Variants in EXOC3L4 observed in about 807,000 individuals in gnomAD.
The protein encoded by EXOC3L4 is exocyst complex component 3 like 4.
Under a neutral mutation model 69.7 loss-of-function variants are expected in EXOC3L4, and 62 were observed. The observed-to-expected ratio is 0.89, with a 90% CI of 0.72 to 1.10. The LOEUF (loss-of-function observed/expected upper bound fraction) is 1.10, where lower values mean the gene tolerates loss of function less well. Ranked by LOEUF, EXOC3L4 falls within the 50% of genes least tolerant of loss-of-function variation. The pLI, the probability that EXOC3L4 is intolerant of heterozygous loss-of-function variation, is 0.00. For synonymous variants in EXOC3L4, 502 were observed against 464.2 expected, an observed-to-expected ratio of 1.08 and a Z score of -1.05; for missense variants, 1,087 against 1,034.8, an observed-to-expected ratio of 1.05 and a Z score of -0.69.
chr14:103,107,889 C>A (rs1375477242), intron 10 of EXOC3L4, 106 bp downstream of exon 10: 10 of 1,414,964 alleles, frequency 7.1e-6, no homozygotes, highest in African/African-American at 1.4e-5. Context: ...TGGTTCTCCC[C>A]ACTCTGGATC....
rs867924795 is a variant in EXOC3L4 at position 103,100,575 on chromosome 14, C to A, written c.356C>A (p.Ser119Tyr). 6.2e-7 allele frequency: 1 copy of A among 1,608,828 alleles called. No individual in the cohort carries two copies. ...ATGAATGGTGTCAGCCAGCAGGCAT[C>A]CACTGGGGCAGCGTCTGAGGAACTG... ...GVMNGVSQQA[S>Y]TGAASEELKP... Residue 119 changes from serine (S) to tyrosine (Y), a missense_variant, in exon 2 of 12, where the codon TCC becomes TAC. Coordinates refer to ENST00000688303, the MANE Select transcript of EXOC3L4 (RefSeq NM_001077594.2).
Position 103,100,401 on chromosome 14 carries a change from G to C in EXOC3L4, c.182G>C (p.Ser61Thr). The C allele has an allele frequency of 1.2e-6, 2 of 1,611,592 alleles. No homozygotes were observed. The highest frequency in any genetic ancestry group is 1.3e-5 in the African/African-American group (1 of 75,044). ...GSLRQAFSRA[S>T]QRALTQVSKE... is the part of the protein sequence containing the mutation. ...CTGAGGCAGGCCTTCTCCCGGGCCA[G>C]CCAGCGGGCTTTGACCCAGGTCTCC... Residue 61 changes from serine (S) to threonine (T), a missense_variant, in exon 2 of 12, where the codon AGC becomes ACC. Coordinates refer to ENST00000688303, the MANE Select transcript of EXOC3L4 (RefSeq NM_001077594.2).
At chr14:103,100,048 G>C (rs1007769571) in intron 1 of EXOC3L4, 156 bp from the exon 2 acceptor site, 1 of 789,960 alleles carries the variant, frequency 1.3e-6, no homozygotes, top group African/African-American at 1.7e-5. Context: ...GAGGGCTCTC[G>C]CCAAGAGAGT....
chr14:103,110,338 A>C lies in EXOC3L4; in HGVS notation c.*115A>C. The C allele has an allele frequency of 2.3e-6, 3 of 1,288,082 alleles. No individual in the cohort carries two copies. The highest frequency in any genetic ancestry group is 2.2e-6 in the Non-Finnish European group (2 of 922,826). The allele number at this position is 1,288,082 out of a possible 1,614,324, so 79.8% of individuals were successfully genotyped here. Reference sequence around the variant, plus strand: ...TGCCCCCAACTCTGACACTGCAGTTAGGGAATTTTTGTCGTCAGCAGCCAA... The same window carrying C: ...TGCCCCCAACTCTGACACTGCAGTTCGGGAATTTTTGTCGTCAGCAGCCAA... On this transcript the variant is annotated 3_prime_UTR_variant, in exon 12 of 12. Transcript: ENST00000688303.
chr14:103,109,002 T>C (rs1890745233), intron 11 of EXOC3L4, among the ~76,000 whole-genome samples: 1 of 151,302 alleles, frequency 6.6e-6, no homozygotes, highest in African/African-American at 2.4e-5. Flanking sequence ...CACCCTGCCA[T>C]GGGGTGGGGA....
At chr14:103,103,354 C>CAAAAAAAAAAAAAAAAAAAAAAAAAAAAA (rs3070496) in intron 3 of EXOC3L4, among the ~76,000 whole-genome samples, 1 of 94,910 alleles carries the variant, frequency 1.1e-5, no homozygotes, top group African/African-American at 4.1e-5. Context: ...GACTCTGTCT[C>CAAAAAAAAAAAAAAAAAAAAAAAAAAAAA]AAAAAAAAAA....
intron 3 of EXOC3L4, 193 bp from the exon 4 acceptor site, chr14:103,103,748 A>C: frequency 5.6e-6 from 3 of 533,996 alleles, no homozygotes; most frequent in Non-Finnish European, 9.9e-6. Context: ...CCCAGCTGTC[A>C]GAGGCTTCCC....
intron 1 of EXOC3L4, 192 bp from the exon 2 acceptor site, chr14:103,100,012 C>G (rs1053181900): frequency 1.7e-6 from 1 of 585,230 alleles, no homozygotes; most frequent in Non-Finnish European, 2.9e-6. Context: ...TCTATATCTC[C>G]GTGCCCAGCT....
In EXOC3L4 at chr14:103,105,011, GC is replaced by G; in HGVS notation, c.1406del (p.Ala469GlyfsTer5). The stretch of plus-strand genomic sequence containing the variant: ...CCCCAGGTTTGAAAAGGCTTTTCTG[GC>G]GTCGGAGGCGGTGAGCGAGCCGCAC... Reference protein sequence around the residue: ...FVPRFEKAFLASEAVSEPHLG... With the variant: ...FVPRFEKAFLXSEAVSEPHLG... On this transcript the variant is annotated frameshift_variant, in exon 7 of 12. Coordinates refer to ENST00000688303, the MANE Select transcript of EXOC3L4 (RefSeq NM_001077594.2). LOFTEE classifies it high-confidence loss of function. 1 of 1,612,600 alleles carries G rather than the reference GC, an allele frequency of 6.2e-7. No homozygotes were observed. Among genetic ancestry groups the G allele is most frequent in the East Asian group, 2.2e-5 (1 of 44,816 alleles).
At chr14:103,104,486 A>G in intron 5 of EXOC3L4, 97 bp downstream of exon 5, 1 of 1,395,770 alleles carries the variant, frequency 7.2e-7, no homozygotes, top group Non-Finnish European at 9.3e-7. Flanking sequence ...GTCCCAACCA[A>G]CCCTTCCGTT....
At position 103,110,064 on chromosome 14, in the gene EXOC3L4, C is replaced by T. The variant is rs1257521450; in HGVS notation, c.2010C>T (p.Arg670=). Residue 670 remains arginine (R), a synonymous_variant, in exon 12 of 12, where the codon CGC becomes CGT. Coordinates refer to ENST00000688303, the MANE Select transcript of EXOC3L4 (RefSeq NM_001077594.2). ...ACATACTGGCCATTCTGGCGCTGCGCCGACTGGGCCGCCAGCGGAACCAGC... is the reference window on the plus strand; with the variant it reads ...ACATACTGGCCATTCTGGCGCTGCGTCGACTGGGCCGCCAGCGGAACCAGC... ...RDHILAILAL[R]RLGRQRNQHL... 2.5e-6 allele frequency: 4 copies of T among 1,600,756 alleles called. No homozygotes were observed. The East Asian group carries it at 6.7e-5, about 27-fold the overall frequency.
Position 103,104,363 on chromosome 14 carries a change from G to A in EXOC3L4, c.1258G>A (p.Ala420Thr). ...VPEVLQGLYQAPLSMDVHMLV... is the reference protein window; with the variant it reads ...VPEVLQGLYQTPLSMDVHMLV... ...CGAGGTGCTGCAGGGCCTCTACCAGGCGCCGCTGTCCATGGACGTCCATAT... is the reference window on the plus strand; with the variant it reads ...CGAGGTGCTGCAGGGCCTCTACCAGACGCCGCTGTCCATGGACGTCCATAT... Residue 420 changes from alanine (A) to threonine (T), a missense_variant, in exon 5 of 12, where the codon GCG (alanine) becomes ACG (threonine). By Grantham distance (58) the Ala-to-Thr change is moderately conservative. Transcript: ENST00000688303. 6.3e-7 allele frequency: 1 copy of A among 1,586,758 alleles called. No homozygotes were observed. The highest frequency in any genetic ancestry group is 8.6e-7 in the Non-Finnish European group (1 of 1,167,880).
rs917854253 is a variant in EXOC3L4 at position 103,097,811 on chromosome 14, G to A, written c.-16-2393G>A. The stretch of plus-strand genomic sequence containing the variant: ...ATGGCCGGAGGGGAAGCTGGAGGCT[G>A]GGCGTGCAGCCGGGAGGACAGAGAA... On this transcript the variant is annotated intron_variant, in intron 1 of 11. Transcript: ENST00000688303. The surrounding 1 kb of genome is among the most constrained non-coding windows in gnomAD (Gnocchi z 4.9). 3.3e-5 allele frequency among the ~76,000 whole-genome samples: 5 copies of A among 152,192 alleles called. No individual in the cohort carries two copies. The highest frequency in any genetic ancestry group is 4.8e-5 in the African/African-American group (2 of 41,444).
chr14:103,104,353 C>T lies in EXOC3L4; in HGVS notation c.1248C>T (p.Gly416=). The change falls in exon 5 of 12, where the codon GGC becomes GGT. Residue 416 remains glycine (G), a synonymous_variant. Transcript: ENST00000688303. The stretch of plus-strand genomic sequence containing the variant: ...CCGAGGTCCCCGAGGTGCTGCAGGG[C>T]CTCTACCAGGCGCCGCTGTCCATGG... ...AAAEVPEVLQ[G]LYQAPLSMDV... The T allele has an allele frequency of 6.3e-7, 1 of 1,589,360 alleles. No homozygotes were observed. The highest frequency in any genetic ancestry group is 8.6e-7 in the Non-Finnish European group (1 of 1,169,336).
intron 1 of EXOC3L4, among the ~76,000 whole-genome samples, chr14:103,095,071 T>C (rs1889830455): frequency 6.6e-6 from 1 of 152,148 alleles, no homozygotes; most frequent in South Asian, 2.1e-4. Flanking sequence ...AAGATGGGCA[T>C]GCAGGCACAG....
At position 103,102,726 on chromosome 14, in the gene EXOC3L4, G is replaced by A. The variant is rs934288256; in HGVS notation, c.1003G>A (p.Glu335Lys). Residue 335 changes from glutamate to lysine, a missense_variant, in exon 3 of 12, where the codon GAG becomes AAG. Physicochemically the swap from Glu to Lys is moderately conservative, Grantham distance 56. Transcript: ENST00000688303. The stretch of plus-strand genomic sequence containing the variant: ...GCTCGCGCGCGACGCCCGCGGCTGC[G>A]AGCAGCTCTATATCCTGCTGGACTG... ...QELARDARGC[E>K]QLYILLDWAA... 1 of 1,452,382 alleles carries A rather than the reference G, an allele frequency of 6.9e-7. No individual in the cohort carries two copies. 90.0% of individuals were successfully genotyped at this position (1,452,382 alleles called of 1,614,324 possible).
chr14:103,104,908 C>T (rs1402938071), intron 6 of EXOC3L4, 70 bp downstream of exon 6: 7 of 1,560,150 alleles, frequency 4.5e-6, no homozygotes, highest in Middle Eastern at 1.7e-4. Flanking sequence ...GAGGAGTCTG[C>T]GTAGGGACCT....
At chr14:103,104,879 G>A (rs1484076311) in intron 6 of EXOC3L4, 41 bp downstream of exon 6, 12 of 1,532,190 alleles carry the variant, frequency 7.8e-6, no homozygotes, top group African/African-American at 1.4e-5. Flanking sequence ...CTGGCCGGGT[G>A]CGCTCTGCAG....
chr14:103,106,920 C>T lies in EXOC3L4; in HGVS notation c.1581+21C>T, dbSNP rs753685694. The T allele has an allele frequency of 2.6e-5, 39 of 1,520,482 alleles. 1 individual carries two copies. The highest frequency in any genetic ancestry group is 2.5e-5 in the Non-Finnish European group (28 of 1,124,312). 94.2% of individuals were successfully genotyped at this position (1,520,482 alleles called of 1,614,324 possible). ...TGCAGGTGACTGTGATAGGCCCTCT[C>T]TCCCTACTTCCCATGCCCAGCAGGC... On this transcript the variant is annotated intron_variant, in intron 8 of 11. Transcript: ENST00000688303.
Sources: allele counts gnomAD v4.1 joint callset (sites outside exome capture counted in the v4.1 genomes callset), GRCh38; gene constraint gnomAD v4.1.1; non-coding constraint Gnocchi (gnomAD v3.1); transcripts MANE v1.5; gene names NCBI Gene and HGNC (gene_info 2026-07-23, HGNC 2026-07-21).